The following TLN2 variants were observed in gnomAD, a reference collection of about 807,000 sequenced individuals.
TLN2 encodes talin 2.
In TLN2, 118 loss-of-function variants were observed where a neutral mutation model predicts 294.7. The observed-to-expected ratio is 0.40, with a 90% confidence interval of 0.34 to 0.47. TLN2 has a LOEUF of 0.47. Among genes scored for constraint, TLN2 ranks in the 20% least tolerant of loss-of-function variants. The probability of loss-of-function intolerance (pLI) is 0.84; values close to 1 mark genes in which losing one functional copy is unlikely to be tolerated. For synonymous variants in TLN2, 1,431 were observed against 1,304.5 expected, an observed-to-expected ratio of 1.10 and a Z score of -2.09; for missense variants, 3,083 against 3,282.2, an observed-to-expected ratio of 0.94 and a Z score of 1.48.
intron 19 of TLN2, among the ~76,000 whole-genome samples, chr15:62,703,465 G>T (rs903317961): frequency 6.6e-6 from 1 of 152,004 alleles, no homozygotes; most frequent in Non-Finnish European, 1.5e-5. Flanking sequence ...AATATTAATA[G>T]TGTCATGAAC....
At chr15:62,428,425 G>A (rs914733403) in intron 1 of TLN2, among the ~76,000 whole-genome samples, 6 of 152,172 alleles carry the variant, frequency 3.9e-5, no homozygotes, top group Non-Finnish European at 8.8e-5. Flanking sequence ...TAGTGTAGAC[G>A]TAATGTTTGT....
chr15:62,570,065 G>A (rs988732502), intron 1 of TLN2, among the ~76,000 whole-genome samples: 1 of 151,924 alleles, frequency 6.6e-6, no homozygotes, highest in Non-Finnish European at 1.5e-5. Context: ...TTATGCCAGC[G>A]CTCCTCCTCT....
intron 51 of TLN2, among the ~76,000 whole-genome samples, chr15:62,807,771 C>T (rs895821578): frequency 6.6e-6 from 1 of 152,136 alleles, no homozygotes; most frequent in Non-Finnish European, 1.5e-5. Context: ...AAGATAGCAG[C>T]CAGAGCTCTA....
At chr15:62,582,297 G>A (rs543672103) in intron 1 of TLN2, among the ~76,000 whole-genome samples, 41 of 147,306 alleles carry the variant, frequency 2.8e-4, no homozygotes, top group African/African-American at 1.0e-3. Flanking sequence ...CAGTTTTTTG[G>A]GGCCCCCTGT....
intron 1 of TLN2, among the ~76,000 whole-genome samples, chr15:62,501,643 G>C (rs964098044): frequency 1.7e-4 from 26 of 152,184 alleles, no homozygotes; most frequent in African/African-American, 5.8e-4. Flanking sequence ...TTTTTGGAAA[G>C]GAATAGTCAC....
Position 62,567,839 on chromosome 15 carries a change from G to T in TLN2, c.-237-21848G>T, listed in dbSNP as rs2043535306. Among the ~76,000 whole-genome samples, 3 of 151,978 alleles carry T rather than the reference G, an allele frequency of 2.0e-5. No homozygotes were observed. The South Asian group carries it at 6.2e-4, about 32-fold the overall frequency. On this transcript the variant is annotated intron_variant, in intron 1 of 58. Coordinates refer to ENST00000636159, the MANE Select transcript of TLN2 (RefSeq NM_015059.3). ...GGGTGACAGAGTGAAACTCTGTCTT[G>T]GGGGAAAAGACAATGAGGGGACCTT...
At chr15:62,716,490 C>T (rs750867174) in intron 23 of TLN2, 31 bp downstream of exon 23, 1 of 1,568,220 alleles carries the variant, frequency 6.4e-7, no homozygotes, top group Non-Finnish European at 8.6e-7. Context: ...TCTGGGATGC[C>T]CATCTTAAAT....
rs562281348 is a variant in TLN2 at position 62,623,066 on chromosome 15, C to A, written c.-37+4591C>A. 5.9e-5 allele frequency among the ~76,000 whole-genome samples: 9 copies of A among 152,296 alleles called. No individual in the cohort carries two copies. The South Asian group carries it at 1.9e-3, about 32-fold the overall frequency. ...GCCTCCAGTCCTCATGGTGTAGTCACTAAGTGGATTTACTTTGCTTAATAT... is the reference window on the plus strand; with the variant it reads ...GCCTCCAGTCCTCATGGTGTAGTCAATAAGTGGATTTACTTTGCTTAATAT... On this transcript the variant is annotated intron_variant, in intron 3 of 58. Coordinates refer to ENST00000636159, the MANE Select transcript of TLN2 (RefSeq NM_015059.3).
chr15:62,583,948 G>A (rs1244508826), intron 1 of TLN2, among the ~76,000 whole-genome samples: 1 of 152,148 alleles, frequency 6.6e-6, no homozygotes, highest in Non-Finnish European at 1.5e-5. Context: ...TTAAAGCAGT[G>A]CAATGTGATC....
rs1595919540 is a variant in TLN2, at chr15:62,766,412, T to C, written c.5186T>C (p.Leu1729Pro). 6.2e-7 allele frequency: 1 copy of C among 1,611,116 alleles called. No individual in the cohort carries two copies. Among genetic ancestry groups the C allele is most frequent in the Non-Finnish European group, 8.5e-7 (1 of 1,177,516 alleles). Reference sequence around the variant, plus strand: ...GCGGCTCGGGGAGAAGCAGCTCAGCTGGGACATAAGGTAATGCACACCGAG... The same window carrying C: ...GCGGCTCGGGGAGAAGCAGCTCAGCCGGGACATAAGGTAATGCACACCGAG... ...ATAARGEAAQ[L>P]GHKVTQLASY... Residue 1729 changes from leucine (L) to proline (P), a missense_variant, in exon 41 of 59, where the codon CTG (leucine) becomes CCG (proline). Coordinates refer to ENST00000636159, the MANE Select transcript of TLN2 (RefSeq NM_015059.3).
Position 62,620,204 on chromosome 15 carries a change from C to A in TLN2, c.-37+1729C>A, listed in dbSNP as rs188742494. Among the ~76,000 whole-genome samples, 134 of 152,160 alleles carry A rather than the reference C, an allele frequency of 8.8e-4. 2 individuals are homozygous for A. The highest frequency in any genetic ancestry group is 3.1e-3 in the African/African-American group (127 of 41,512). ...CTATATTGCCGAGGCTAATCTCAAACCCCTGGCCTCAGTTAATCTTTATCG... is the reference window on the plus strand; with the variant it reads ...CTATATTGCCGAGGCTAATCTCAAAACCCTGGCCTCAGTTAATCTTTATCG... On this transcript the variant is annotated intron_variant, in intron 3 of 58. Coordinates refer to ENST00000636159, the MANE Select transcript of TLN2 (RefSeq NM_015059.3).
chr15:62,451,325 G>T (rs1307596760), intron 1 of TLN2, among the ~76,000 whole-genome samples: 1 of 152,140 alleles, frequency 6.6e-6, no homozygotes. Context: ...GGTTGGGTGG[G>T]CAAGTAAGGG....
intron 46 of TLN2, 47 bp downstream of exon 46, chr15:62,792,834 C>G (rs375555822): frequency 1.2e-6 from 2 of 1,605,854 alleles, no homozygotes; most frequent in African/African-American, 2.7e-5. Flanking sequence ...TGCGCTGGCT[C>G]TCAGTGATCC....
At chr15:62,464,651 C>G (rs2037010575) in intron 1 of TLN2, among the ~76,000 whole-genome samples, 1 of 151,484 alleles carries the variant, frequency 6.6e-6, no homozygotes, top group Non-Finnish European at 1.5e-5. Flanking sequence ...ACTAGGGTAC[C>G]CAAATACTTT....
At chr15:62,531,395 C>G (rs1048346946) in intron 1 of TLN2, among the ~76,000 whole-genome samples, 3 of 152,016 alleles carry the variant, frequency 2.0e-5, no homozygotes, top group Non-Finnish European at 4.4e-5. Flanking sequence ...TGGTGGTTAC[C>G]AGGGGTTGGG....
chr15:62,609,212 C>T (rs1235629284), intron 2 of TLN2, among the ~76,000 whole-genome samples: 1 of 152,150 alleles, frequency 6.6e-6, no homozygotes, highest in Non-Finnish European at 1.5e-5. Flanking sequence ...GCTGAAAATA[C>T]AGCACAAAAG....
intron 1 of TLN2, among the ~76,000 whole-genome samples, chr15:62,393,771 A>G (rs747583403): frequency 2.0e-5 from 3 of 151,834 alleles, no homozygotes; most frequent in African/African-American, 2.4e-5. Context: ...CAAGTTTACT[A>G]CCTTAATATT....
At chr15:62,454,925 C>A (rs2036377127) in intron 1 of TLN2, among the ~76,000 whole-genome samples, 1 of 152,108 alleles carries the variant, frequency 6.6e-6, no homozygotes, top group South Asian at 2.1e-4. Flanking sequence ...TAGACACTAT[C>A]ATTCCCCCAG....
At chr15:62,839,882 A>T (rs1005895060) in intron 58 of TLN2, among the ~76,000 whole-genome samples, 2 of 152,254 alleles carry the variant, frequency 1.3e-5, no homozygotes, top group East Asian at 1.9e-4. Flanking sequence ...GATAGTCGGT[A>T]GCCTAGTCAA....
Sources: allele counts gnomAD v4.1 joint callset (sites outside exome capture counted in the v4.1 genomes callset), GRCh38; gene constraint gnomAD v4.1.1; transcripts MANE v1.5; gene names NCBI Gene and HGNC (gene_info 2026-07-23, HGNC 2026-07-21).